Variants in ADCK5 observed in about 807,000 individuals in gnomAD.
ADCK5 encodes uncharacterized aarF domain-containing protein kinase 5.
In ADCK5, 43 loss-of-function variants were observed where a neutral mutation model predicts 64.9. The observed-to-expected ratio is 0.66, with a 90% CI of 0.52 to 0.85. The LOEUF (loss-of-function observed/expected upper bound fraction) is 0.85. Ranked by LOEUF, ADCK5 falls within the 40% of genes least tolerant of loss-of-function variation. ADCK5 has a pLI of 0.00. For synonymous variants in ADCK5, 434 were observed against 342.8 expected (o/e 1.27, Z -2.94); for missense variants, 760 against 810.5 (o/e 0.94, Z 0.76).
At position 144,392,773 on chromosome 8, in the gene ADCK5, C is replaced by T. The variant is rs782249594; in HGVS notation, c.1521-3C>T. 10 of 1,592,364 alleles carry T rather than the reference C, an allele frequency of 6.3e-6. No individual in the cohort carries two copies. The highest frequency in any genetic ancestry group is 1.7e-5 in the Admixed American group (1 of 58,796). On this transcript the variant is annotated splice_region_variant and splice_polypyrimidine_tract_variant and intron_variant, in intron 13 of 14. Transcript: ENST00000308860. ...GACGCGGCGCTAACGCGGGTGTGTG[C>T]AGGGCTGTCCGGGGCTGGAGCCGCC...
chr8:144,379,978 G>A (rs1239598805), intron 2 of ADCK5, among the ~76,000 whole-genome samples: 1 of 152,236 alleles, frequency 6.6e-6, no homozygotes, highest in Non-Finnish European at 1.5e-5. Flanking sequence ...GGCCAGGCAG[G>A]GCAGGCAGGG....
chr8:144,391,370 A>G lies in ADCK5; in HGVS notation c.694A>G (p.Ile232Val), dbSNP rs1378842603. 4 of 1,613,082 alleles carry G rather than the reference A, an allele frequency of 2.5e-6. No homozygotes were observed. The highest frequency in any genetic ancestry group is 3.4e-6 in the Non-Finnish European group (4 of 1,180,016). The part of the protein sequence containing the change: ...GTSVAVKVQY[I>V]DLRDRFDGDI... ...CCCTCGCCCAGTGCAGGTGCAGTAC[A>G]TCGACCTGCGGGACCGCTTTGATGG... The change falls in exon 7 of 15, where the codon ATC becomes GTC. Residue 232 changes from isoleucine to valine, a missense_variant. By Grantham distance (29) the Ile-to-Val change is conservative. Transcript: ENST00000308860.
Position 144,390,659 on chromosome 8 carries a change from C to T in ADCK5, c.267-12C>T, listed in dbSNP as rs199662782. ...CTGCCCCGCTGGAGACTGAGGCCACCTCTGCCCGCAGGTCTCTGAAGGTCG... is the reference window on the plus strand; with the variant it reads ...CTGCCCCGCTGGAGACTGAGGCCACTTCTGCCCGCAGGTCTCTGAAGGTCG... On this transcript the variant is annotated splice_polypyrimidine_tract_variant and intron_variant, in intron 3 of 14. Transcript: ENST00000308860. The T allele has an allele frequency of 6.2e-7, 1 of 1,612,792 alleles. No homozygotes were observed. The highest frequency in any genetic ancestry group is 1.1e-5 in the South Asian group (1 of 90,934).
At chr8:144,386,266 C>T (rs888293526) in intron 3 of ADCK5, among the ~76,000 whole-genome samples, 7 of 151,952 alleles carry the variant, frequency 4.6e-5, no homozygotes, top group Non-Finnish European at 1.0e-4. Flanking sequence ...TTTGCCTCAG[C>T]CTCCCAAATG....
chr8:144,384,627 C>T lies in ADCK5; in HGVS notation c.266+1397C>T, dbSNP rs1819830825. Among the ~76,000 whole-genome samples, 1 of 152,164 alleles carries T rather than the reference C, an allele frequency of 6.6e-6. No homozygotes were observed. Among genetic ancestry groups the T allele is most frequent in the Non-Finnish European group, 1.5e-5 (1 of 68,028 alleles). ...TCGTGACCCTCCGCTGCAGTGCATG[C>T]AAGGGCCACACAGGGCTGCCAGCCA... On this transcript the variant is annotated intron_variant, in intron 3 of 14. Coordinates refer to ENST00000308860, the MANE Select transcript of ADCK5 (RefSeq NM_174922.5). The surrounding 1 kb of genome is among the most constrained non-coding windows in gnomAD (Gnocchi z 5.7).
At position 144,390,939 on chromosome 8, in the gene ADCK5, G is replaced by C. The variant is rs1287159813; in HGVS notation, c.426G>C (p.Gly142=). The C allele has an allele frequency of 3.1e-6, 5 of 1,612,860 alleles. No individual in the cohort carries two copies. The highest frequency in any genetic ancestry group is 4.2e-6 in the Non-Finnish European group (5 of 1,179,986). Residue 142 remains glycine, a synonymous_variant, in exon 5 of 15, where the codon GGG becomes GGC. Coordinates refer to ENST00000308860, the MANE Select transcript of ADCK5 (RefSeq NM_174922.5). ...DALVAGAISN[G]GLYVKLGQGL... is the part of the protein sequence containing the mutation. ...TGGTGGCAGGGGCCATCAGCAACGG[G>C]GGCCTCTACGTGAAGCTGGGCCAGG...
At chr8:144,392,192 T>TGGGGGGGGGGGGGGGGGGGG in intron 11 of ADCK5, 22 bp downstream of exon 11, 1 of 230,522 alleles carries the variant, frequency 4.3e-6, no homozygotes, top group Non-Finnish European at 7.9e-6. Context: ...TGGGTGGGCG[T>TGGGGGGGGGGGGGGGGGGGG]GGGGCAGGGC....
rs1371550107 is a variant in ADCK5, at chr8:144,392,352, G to GGGTGCAAGGTGAGGA, written c.1267+7_1267+8insGGTGCAAGGTGAGGA. ...GCCGCACTGGGGGTGCAAGGTGAGGGCGTGCGGGGATGGCTGGGGCACCAC... is the reference window on the plus strand; with the variant it reads ...GCCGCACTGGGGGTGCAAGGTGAGGGGGTGCAAGGTGAGGACGTGCGGGGATGGCTGGGGCACCAC... On this transcript the variant is annotated splice_region_variant and intron_variant, in intron 12 of 14. Transcript: ENST00000308860. 1.3e-6 allele frequency: 2 copies of GGGTGCAAGGTGAGGA among 1,488,854 alleles called. No individual in the cohort carries two copies. Among genetic ancestry groups the GGGTGCAAGGTGAGGA allele is most frequent in the Non-Finnish European group, 1.8e-6 (2 of 1,120,920 alleles). The allele number at this position is 1,488,854 out of a possible 1,614,324, so 92.2% of individuals were successfully genotyped here. A position where few individuals can be genotyped will look rare whatever the true frequency, so the allele number is the denominator to read the frequency against.
At position 144,392,477 on chromosome 8, in the gene ADCK5, C is replaced by T. The variant is rs1554861285; in HGVS notation, c.1300C>T (p.Arg434Cys). Reference sequence around the variant, plus strand: ...CCTGTTCGCCGAGATGCTCATGCAGCGCCCCGTGCGCCTGGGGCAGCTGTG... The same window carrying T: ...CCTGTTCGCCGAGATGCTCATGCAGTGCCCCGTGCGCCTGGGGCAGCTGTG... ...YLLFAEMLMQ[R>C]PVRLGQLWGS... Residue 434 changes from arginine to cysteine, a missense_variant, in exon 13 of 15, where the codon CGC becomes TGC. Physicochemically the swap from Arg to Cys is radical, Grantham distance 180 (BLOSUM62 -3). Around this residue, in one of 2 missense-constraint regions of ADCK5, gnomAD observed 333 missense variants for 292.0 expected, o/e 1.14. Coordinates refer to ENST00000308860, the MANE Select transcript of ADCK5 (RefSeq NM_174922.5). 50 of 1,498,450 alleles carry T rather than the reference C, an allele frequency of 3.3e-5. No homozygotes were observed. Among genetic ancestry groups the T allele is most frequent in the Non-Finnish European group, 4.3e-5 (48 of 1,122,232 alleles). The allele number at this position is 1,498,450 out of a possible 1,614,324, so 92.8% of individuals were successfully genotyped here.
chr8:144,375,370 C>A, intron 1 of ADCK5: 1 of 828,658 alleles, frequency 1.2e-6, no homozygotes, highest in Non-Finnish European at 1.5e-6. Flanking sequence ...CTCTTCCTAA[C>A]TTTGGGGACA....
chr8:144,388,580 C>G (rs369568639), intron 3 of ADCK5, among the ~76,000 whole-genome samples: 2 of 151,506 alleles, frequency 1.3e-5, no homozygotes, highest in Admixed American at 1.3e-4. Context: ...CTGGCCAACA[C>G]GGTGAAACCC....
At position 144,392,786 on chromosome 8, in the gene ADCK5, G is replaced by A; in HGVS notation, c.1531G>A (p.Gly511Ser). 1.3e-6 allele frequency: 2 copies of A among 1,593,460 alleles called. No individual in the cohort carries two copies. The highest frequency in any genetic ancestry group is 8.5e-7 in the Non-Finnish European group (1 of 1,174,152). The change falls in exon 14 of 15, where the codon GGC becomes AGC. Residue 511 changes from glycine to serine, a missense_variant. By Grantham distance (56) the Gly-to-Ser change is moderately conservative. Around this residue, in one of 2 missense-constraint regions of ADCK5, gnomAD observed 333 missense variants for 292.0 expected, o/e 1.14. Transcript: ENST00000308860. ...CGCGGGTGTGTGCAGGGCTGTCCGGGGCTGGAGCCGCCTGGCGGGCGCCAC... is the reference window on the plus strand; with the variant it reads ...CGCGGGTGTGTGCAGGGCTGTCCGGAGCTGGAGCCGCCTGGCGGGCGCCAC... The part of the protein sequence containing the change: ...YFLMAKRAVR[G>S]WSRLAGATYR...
rs1820103228 is a variant in ADCK5, at chr8:144,389,465, C to T, written c.267-1206C>T. 4 of 404,888 alleles carry T rather than the reference C, an allele frequency of 9.9e-6. No homozygotes were observed. In the East Asian group the frequency reaches 2.2e-4, roughly 22 times the overall value. The allele number at this position is 404,888 out of a possible 1,614,324, so 25.1% of individuals were successfully genotyped here. A position where few individuals can be genotyped will look rare whatever the true frequency, so the allele number is the denominator to read the frequency against. On this transcript the variant is annotated intron_variant, in intron 3 of 14. Coordinates refer to ENST00000308860, the MANE Select transcript of ADCK5 (RefSeq NM_174922.5). ...CCACCGTCCATACTGTCCCCTACCC[C>T]ATCTCACCTGGGCACCCTTGAGGGT...
chr8:144,379,956 G>T (rs1819529227), intron 2 of ADCK5, among the ~76,000 whole-genome samples: 1 of 152,204 alleles, frequency 6.6e-6, no homozygotes, highest in Non-Finnish European at 1.5e-5. Flanking sequence ...GAAGGCCGTG[G>T]AGGGTAGATG....
At chr8:144,375,503 A>G (rs1003664988) in intron 1 of ADCK5, 1 of 985,284 alleles carries the variant, frequency 1.0e-6, no homozygotes, top group African/African-American at 1.7e-5. Flanking sequence ...GTTGCTTCTC[A>G]CTGCTGCGGC....
intron 1 of ADCK5, 54 bp from the exon 2 acceptor site, chr8:144,379,333 G>A (rs891705051): frequency 1.1e-5 from 15 of 1,385,036 alleles, no homozygotes; most frequent in African/African-American, 1.5e-5. Flanking sequence ...ACTGGTTGAG[G>A]GCAGGGGCGT....
Position 144,376,506 on chromosome 8 carries a change from G to A in ADCK5, c.12+2399G>A, listed in dbSNP as rs782440684. ...CTGGATAAGAATGGGAGTGAGAGAC[G>A]CAGCTGGAGCCCCTTCTGCAATGCT... On this transcript the variant is annotated intron_variant, in intron 1 of 14. Coordinates refer to ENST00000308860, the MANE Select transcript of ADCK5 (RefSeq NM_174922.5). The surrounding 1 kb of genome is among the most constrained non-coding windows in gnomAD (Gnocchi z 5.1). 4.1e-4 allele frequency among the ~76,000 whole-genome samples: 63 copies of A among 152,324 alleles called. 1 individual carries two copies. The highest frequency in any genetic ancestry group is 2.6e-3 in the Admixed American group (39 of 15,290).
At chr8:144,382,290 G>T (rs1326116624) in intron 2 of ADCK5, among the ~76,000 whole-genome samples, 2 of 152,240 alleles carry the variant, frequency 1.3e-5, no homozygotes, top group African/African-American at 4.8e-5. Context: ...TATGGGCCGG[G>T]TGCAGAAACA....
At chr8:144,389,164 A>G (rs1820085610) in intron 3 of ADCK5, 1 of 431,052 alleles carries the variant, frequency 2.3e-6, no homozygotes, top group Non-Finnish European at 4.7e-6. Flanking sequence ...CCTCTACCCC[A>G]TCCTCTTGCC....
Sources: allele counts gnomAD v4.1 joint callset (sites outside exome capture counted in the v4.1 genomes callset), GRCh38; gene constraint gnomAD v4.1.1; regional missense constraint gnomAD v4.1.1; non-coding constraint Gnocchi (gnomAD v3.1); transcripts MANE v1.5; gene names NCBI Gene and HGNC (gene_info 2026-07-23, HGNC 2026-07-21).